The following GFRA1 variants were observed in gnomAD, a reference collection of about 807,000 sequenced individuals.
GFRA1 encodes the protein GDNF family receptor alpha 1.
GFRA1 carries 16 observed loss-of-function variants against 51.6 expected under a neutral mutation model. That is an observed-to-expected ratio of 0.31 (90% CI 0.21 to 0.47). The LOEUF (loss-of-function observed/expected upper bound fraction) is 0.47, where lower values mean the gene tolerates loss of function less well. Among genes scored for constraint, GFRA1 ranks in the 20% least tolerant of loss-of-function variants. The pLI is 1.00. For missense variants in GFRA1, 530 were observed against 594.3 expected (o/e 0.89, Z 1.13); for synonymous variants, 270 against 241.3 (o/e 1.12, Z -1.10).
At chr10:116,266,837 G>C (rs754831980) in intron 4 of GFRA1, among the ~76,000 whole-genome samples, 3 of 152,208 alleles carry the variant, frequency 2.0e-5, no homozygotes, top group Non-Finnish European at 4.4e-5. Flanking sequence ...GGGTAGAGAA[G>C]GTGATGTAAG....
intron 4 of GFRA1, among the ~76,000 whole-genome samples, chr10:116,250,795 CCCTGGTGGTGG>C (rs1277626756): frequency 1.3e-5 from 2 of 152,212 alleles, no homozygotes; most frequent in East Asian, 1.9e-4. Context: ...CCCTCCTGAG[CCCTGGTGGTGG>C]CCTGGTCCCA....
rs148475759 is a variant in GFRA1, at chr10:116,077,186, G to A, written c.1198-11560C>T. Among the ~76,000 whole-genome samples, 668 of 152,280 alleles carry A rather than the reference G, an allele frequency of 4.4e-3. 6 individuals are homozygous for A. The highest frequency in any genetic ancestry group is 0.015 in the Admixed American group (230 of 15,298). The stretch of plus-strand genomic sequence containing the variant: ...CTGGAGTTCTCCTGGCCTCACTGGT[G>A]TTCACCTAGTGCTTGGAAAATAGGC... On this transcript the variant is annotated intron_variant, in intron 9 of 10. Coordinates refer to ENST00000355422, the MANE Select transcript of GFRA1 (RefSeq NM_005264.8).
At position 116,225,946 on chromosome 10, in the gene GFRA1, G is replaced by A. The variant is rs184873676; in HGVS notation, c.419-14301C>T. On this transcript the variant is annotated intron_variant, in intron 4 of 10. Coordinates refer to ENST00000355422, the MANE Select transcript of GFRA1 (RefSeq NM_005264.8). ...CCTGTGCTGTTGCTATATTTTGAAC[G>A]TGGTACTGGAAAATGTCCAATTACA... Among the ~76,000 whole-genome samples, 18 of 152,196 alleles carry A rather than the reference G, an allele frequency of 1.2e-4. 1 individual carries two copies. The highest frequency in any genetic ancestry group is 7.7e-4 in the East Asian group (4 of 5,176).
intron 6 of GFRA1, among the ~76,000 whole-genome samples, chr10:116,103,868 A>G (rs1249968931): frequency 6.6e-6 from 1 of 152,190 alleles, no homozygotes; most frequent in Non-Finnish European, 1.5e-5. Context: ...TGTATTAAAT[A>G]CATTTTGCAG....
intron 4 of GFRA1, among the ~76,000 whole-genome samples, chr10:116,245,420 T>C (rs946346292): frequency 6.6e-6 from 1 of 152,182 alleles, no homozygotes; most frequent in Non-Finnish European, 1.5e-5. Context: ...TCCAAAAGCC[T>C]GACACCACCA....
At chr10:116,097,386 G>A (rs975502152) in intron 6 of GFRA1, among the ~76,000 whole-genome samples, 4 of 152,206 alleles carry the variant, frequency 2.6e-5, no homozygotes, top group East Asian at 1.9e-4. Flanking sequence ...TGCTCTAGGC[G>A]GGTGGGCCTG....
rs143484008 is a variant in GFRA1 at position 116,125,514 on chromosome 10, C to T, written c.477G>A (p.Lys159=). ...PKGNNCLDAA[K]ACNLDDICKK... is the part of the protein sequence containing the mutation. ...TGCAAATGTCGTCGAGGTTGCAGGCCTTCGCTGCATCCAGGCAGTTGTTCC... is the reference window on the plus strand; with the variant it reads ...TGCAAATGTCGTCGAGGTTGCAGGCTTTCGCTGCATCCAGGCAGTTGTTCC... The change falls in exon 6 of 11, where the codon AAG becomes AAA. Residue 159 remains lysine (K), a synonymous_variant. Coordinates refer to ENST00000355422, the MANE Select transcript of GFRA1 (RefSeq NM_005264.8). The T allele has an allele frequency of 5.9e-5, 96 of 1,614,144 alleles. No homozygotes were observed. The East Asian group carries it at 8.5e-4, about 14-fold the overall frequency.
chr10:116,196,380 T>C (rs1356388724), intron 5 of GFRA1, among the ~76,000 whole-genome samples: 1 of 149,804 alleles, frequency 6.7e-6, no homozygotes, highest in African/African-American at 2.5e-5. Flanking sequence ...TCCCAGCTAC[T>C]AGGGAGGCTG....
rs576985088 is a variant in GFRA1, at chr10:116,067,150, G to A, written c.1198-1524C>T. Among the ~76,000 whole-genome samples the A allele has an allele frequency of 2.2e-3, 341 of 152,306 alleles. 1 individual carries two copies. The highest frequency in any genetic ancestry group is 6.8e-3 in the Middle Eastern group (2 of 294). On this transcript the variant is annotated intron_variant, in intron 9 of 10. Transcript: ENST00000355422. ...AAGAAGATCAGAGGGGAAATTGGAA[G>A]AGGAATTGAACCTGATTCAAAAGCC... is the stretch of plus-strand genomic sequence containing the variant.
intron 4 of GFRA1, chr10:116,255,732 C>G: frequency 1.6e-6 from 2 of 1,289,150 alleles, no homozygotes; most frequent in Non-Finnish European, 2.0e-6. Context: ...TCCTTCTCCC[C>G]TTCTTTACAT....
intron 5 of GFRA1, among the ~76,000 whole-genome samples, chr10:116,175,335 T>C (rs1356084379): frequency 1.3e-5 from 2 of 152,174 alleles, no homozygotes; most frequent in Non-Finnish European, 2.9e-5. Context: ...TGTGACTTCT[T>C]AGCTGTCTAA....
At chr10:116,203,670 A>T (rs1011389005) in intron 5 of GFRA1, among the ~76,000 whole-genome samples, 4 of 152,200 alleles carry the variant, frequency 2.6e-5, no homozygotes, top group African/African-American at 9.6e-5. Flanking sequence ...GAAGCCTCAT[A>T]ATCTAGCCCG....
intron 5 of GFRA1, among the ~76,000 whole-genome samples, chr10:116,162,185 T>C (rs76560052): frequency 0.027 from 4,145 of 152,264 alleles, 175 homozygotes; most frequent in African/African-American, 0.093. Flanking sequence ...TCACCAGCAG[T>C]AGTTGGACCT....
chr10:116,250,927 G>GC lies in GFRA1; in HGVS notation c.418+18575dup, dbSNP rs770831936. On this transcript the variant is annotated intron_variant, in intron 4 of 10. Coordinates refer to ENST00000355422, the MANE Select transcript of GFRA1 (RefSeq NM_005264.8). ...CTGGGGAATGCACCAGGCTTGGCCC[G>GC]CCTGGGGTCCTTGGAGTTCTGCCAC... 1.1e-4 allele frequency among the ~76,000 whole-genome samples: 17 copies of GC among 152,306 alleles called. No individual in the cohort carries two copies. In the East Asian group the frequency reaches 1.4e-3, roughly 12 times the overall value.
chr10:116,135,465 C>A (rs1958284174), intron 5 of GFRA1, among the ~76,000 whole-genome samples: 1 of 152,146 alleles, frequency 6.6e-6, no homozygotes, highest in African/African-American at 2.4e-5. Flanking sequence ...GTTTGTCTTA[C>A]CACACACTCA....
chr10:116,183,673 T>A (rs1475113940), intron 5 of GFRA1, among the ~76,000 whole-genome samples: 2 of 152,058 alleles, frequency 1.3e-5, no homozygotes, highest in East Asian at 3.9e-4. Flanking sequence ...TTGGGACACT[T>A]GGTCTTCTCT....
At position 116,270,871 on chromosome 10, in the gene GFRA1, C is replaced by T. The variant is rs1254124142; in HGVS notation, c.285G>A (p.Lys95=). 1.9e-6 allele frequency: 3 copies of T among 1,613,988 alleles called. No individual in the cohort carries two copies. The highest frequency in any genetic ancestry group is 1.1e-5 in the South Asian group (1 of 91,090). ...AGTAAATGCGCAGGCAGTTCTTCTC[C>T]TTCTTCATACCCCGCTTGCAGCGGC... ...YNCRCKRGMK[K]EKNCLRIYWS... Residue 95 remains lysine, a synonymous_variant, in exon 3 of 11, where the codon AAG becomes AAA. Transcript: ENST00000355422.
chr10:116,097,444 C>T (rs1407069075), intron 6 of GFRA1, among the ~76,000 whole-genome samples: 2 of 152,178 alleles, frequency 1.3e-5, no homozygotes, highest in Non-Finnish European at 2.9e-5. Flanking sequence ...AGACAGCTGC[C>T]TGCAGGTTGG....
intron 6 of GFRA1, among the ~76,000 whole-genome samples, chr10:116,112,709 C>T (rs1957259877): frequency 6.6e-6 from 1 of 152,210 alleles, no homozygotes; most frequent in Non-Finnish European, 1.5e-5. Flanking sequence ...AGCAAGAAAC[C>T]AAGCTGGGCT....
Sources: allele counts gnomAD v4.1 joint callset (sites outside exome capture counted in the v4.1 genomes callset), GRCh38; gene constraint gnomAD v4.1.1; transcripts MANE v1.5; gene names NCBI Gene and HGNC (gene_info 2026-07-23, HGNC 2026-07-21).